The following MAST4 variants were observed in gnomAD, a reference collection of about 807,000 sequenced individuals.
MAST4 encodes the protein microtubule associated serine/threonine kinase family member 4, also known as microtubule-associated serine/threonine-protein kinase 4.
A neutral mutation model predicts 162.7 loss-of-function variants in MAST4; 89 were observed. That is an observed-to-expected ratio of 0.55 (90% CI 0.46 to 0.65). MAST4 has a LOEUF of 0.65. MAST4 is among the 30% of genes least tolerant of loss of function. The pLI, the probability that MAST4 is intolerant of heterozygous loss-of-function variation, is 0.00. For synonymous variants in MAST4, 1,479 were observed against 1,361.1 expected (o/e 1.09, Z -1.91); for missense variants, 3,153 against 3,374.0 (o/e 0.93, Z 1.62).
At chr5:67,081,465 T>G (rs892578252) in intron 5 of MAST4, among the ~76,000 whole-genome samples, 13 of 151,942 alleles carry the variant, frequency 8.6e-5, no homozygotes, top group Non-Finnish European at 1.8e-4. Flanking sequence ...GAAGAAGAGA[T>G]GCTGAATTAT....
Position 67,166,716 on chromosome 5 carries a change from A to G in MAST4, c.7537A>G (p.Thr2513Ala). 5.0e-6 allele frequency: 8 copies of G among 1,589,548 alleles called. No individual in the cohort carries two copies. The highest frequency in any genetic ancestry group is 6.8e-6 in the Non-Finnish European group (8 of 1,168,188). Residue 2513 changes from threonine to alanine, a missense_variant, in exon 29 of 29, where the codon ACC becomes GCC. Thr to Ala is a moderately conservative substitution (Grantham distance 58, BLOSUM62 0). Coordinates refer to ENST00000403625, the MANE Select transcript of MAST4 (RefSeq NM_001164664.2). ...GGCTCAGCCTGCCGGGGAGGGCCGA[A>G]CCCACATGACAAAGAGTGACTCCCT... The part of the protein sequence containing the change: ...RKAQPAGEGR[T>A]HMTKSDSLPS...
intron 4 of MAST4, among the ~76,000 whole-genome samples, chr5:66,978,544 T>C (rs1748411073): frequency 1.3e-5 from 2 of 152,226 alleles, no homozygotes; most frequent in Admixed American, 1.3e-4. Flanking sequence ...CTATGAATGC[T>C]ACATGAGTGG....
chr5:66,944,571 G>A (rs1021519291), intron 4 of MAST4, among the ~76,000 whole-genome samples: 2 of 151,776 alleles, frequency 1.3e-5, no homozygotes, highest in South Asian at 2.1e-4. Flanking sequence ...TTTCTTTTTC[G>A]CTTTCTAATA....
chr5:66,810,635 A>G (rs1448135454), intron 3 of MAST4, among the ~76,000 whole-genome samples: 4 of 152,188 alleles, frequency 2.6e-5, no homozygotes, highest in African/African-American at 9.7e-5. Flanking sequence ...CCACCAAAGC[A>G]TCTGTTGCCC....
intron 8 of MAST4, 95 bp from the exon 9 acceptor site, chr5:67,102,441 T>C: frequency 9.1e-7 from 1 of 1,097,124 alleles, no homozygotes. Context: ...AAAGGTTGCA[T>C]AGTACTTTTG....
chr5:66,698,413 C>T (rs1223771636), intron 1 of MAST4, among the ~76,000 whole-genome samples: 1 of 151,720 alleles, frequency 6.6e-6, no homozygotes, highest in African/African-American at 2.4e-5. Context: ...TACTGTGTCC[C>T]TATCTGTTCC....
At chr5:67,065,204 C>T (rs1282438873) in intron 5 of MAST4, among the ~76,000 whole-genome samples, 1 of 152,048 alleles carries the variant, frequency 6.6e-6, no homozygotes, top group African/African-American at 2.4e-5. Context: ...TGATCAGTGA[C>T]CACCTAGAAA....
chr5:66,978,341 C>A (rs1173239486), intron 4 of MAST4, among the ~76,000 whole-genome samples: 1 of 152,152 alleles, frequency 6.6e-6, no homozygotes, highest in African/African-American at 2.4e-5. Context: ...TCTAGTTATT[C>A]TGTGTTTTAA....
intron 19 of MAST4, among the ~76,000 whole-genome samples, chr5:67,138,207 T>G (rs1769914532): frequency 6.6e-6 from 1 of 152,226 alleles, no homozygotes. Flanking sequence ...ATTATAAGGA[T>G]AAAAACAAAT....
chr5:66,758,562 G>A (rs1210900878), intron 1 of MAST4, among the ~76,000 whole-genome samples: 1 of 152,138 alleles, frequency 6.6e-6, no homozygotes, highest in East Asian at 1.9e-4. Context: ...GATTACTGAT[G>A]TGAGCCACTG....
At chr5:67,157,823 A>C (rs1361020955) in intron 26 of MAST4, among the ~76,000 whole-genome samples, 1 of 152,240 alleles carries the variant, frequency 6.6e-6, no homozygotes, top group African/African-American at 2.4e-5. Context: ...AAACTCTTCT[A>C]GGCCATGAGG....
At chr5:66,791,017 A>G (rs1365174832) in intron 3 of MAST4, among the ~76,000 whole-genome samples, 4 of 151,986 alleles carry the variant, frequency 2.6e-5, no homozygotes, top group Non-Finnish European at 4.4e-5. Context: ...CTTAAGTAAT[A>G]TATCTTCTTT....
intron 1 of MAST4, among the ~76,000 whole-genome samples, chr5:66,615,465 T>C (rs10064051): frequency 0.1 from 15,216 of 152,102 alleles, 912 homozygotes; most frequent in African/African-American, 0.15. Flanking sequence ...ATCCGAGGAA[T>C]AGCTCTGAGG....
At chr5:66,866,625 T>C (rs1760541417) in intron 3 of MAST4, among the ~76,000 whole-genome samples, 1 of 152,224 alleles carries the variant, frequency 6.6e-6, no homozygotes, top group African/African-American at 2.4e-5. Flanking sequence ...CATTTAAATG[T>C]AGTGTTTAGT....
chr5:66,918,086 A>G (rs1764237094), intron 4 of MAST4, among the ~76,000 whole-genome samples: 1 of 152,160 alleles, frequency 6.6e-6, no homozygotes, highest in Admixed American at 6.5e-5. Context: ...TTAATTCTTT[A>G]AAAGTGATTT....
chr5:66,965,269 T>G (rs16896065), intron 4 of MAST4, among the ~76,000 whole-genome samples: 4,944 of 149,506 alleles, frequency 0.033, 279 homozygotes, highest in African/African-American at 0.12. Context: ...CCTTTGCTCT[T>G]CTAATGTGTC....
intron 12 of MAST4, among the ~76,000 whole-genome samples, chr5:67,117,437 G>A (rs969953617): frequency 1.3e-5 from 2 of 151,768 alleles, no homozygotes; most frequent in African/African-American, 4.8e-5. Context: ...ATATCTCTTA[G>A]GCATAATGTC....
chr5:66,725,297 A>C (rs543014232), intron 1 of MAST4, among the ~76,000 whole-genome samples: 2 of 152,282 alleles, frequency 1.3e-5, no homozygotes, highest in Admixed American at 1.3e-4. Context: ...ATTTAAACTT[A>C]AAGAACACAT....
intron 4 of MAST4, among the ~76,000 whole-genome samples, chr5:66,927,214 G>T (rs115434202): frequency 0.024 from 3,609 of 152,264 alleles, 47 homozygotes; most frequent in African/African-American, 0.046. Flanking sequence ...TGGAAGCAGA[G>T]AATTACATTT....
Sources: allele counts gnomAD v4.1 joint callset (sites outside exome capture counted in the v4.1 genomes callset), GRCh38; gene constraint gnomAD v4.1.1; transcripts MANE v1.5; gene names NCBI Gene and HGNC (gene_info 2026-07-23, HGNC 2026-07-21).